Variants in CNTNAP2 observed in about 807,000 individuals in gnomAD.
CNTNAP2 encodes contactin associated protein 2.
In CNTNAP2, 98 loss-of-function variants were observed where a neutral mutation model predicts 155.2. The observed-to-expected ratio is 0.63, with a 90% CI of 0.54 to 0.75. The LOEUF is 0.75. CNTNAP2 is among the 30% of genes least tolerant of loss of function. CNTNAP2 has a pLI of 0.00. For synonymous variants in CNTNAP2, 651 were observed against 631.2 expected (o/e 1.03, Z -0.47); for missense variants, 1,727 against 1,688.1 (o/e 1.02, Z -0.40).
At chr7:146,155,665 A>C in intron 1 of CNTNAP2, among the ~76,000 whole-genome samples, 1 of 149,304 alleles carries the variant, frequency 6.7e-6, no homozygotes. Flanking sequence ...ACAATTATAA[A>C]TAATTGCATA....
intron 13 of CNTNAP2, among the ~76,000 whole-genome samples, chr7:147,734,800 G>A (rs1249336176): frequency 6.6e-6 from 1 of 152,204 alleles, no homozygotes. Flanking sequence ...TAGTTTGTTT[G>A]CATAGAGGTG....
At chr7:146,210,035 C>G (rs1799009281) in intron 1 of CNTNAP2, among the ~76,000 whole-genome samples, 1 of 152,124 alleles carries the variant, frequency 6.6e-6, no homozygotes, top group South Asian at 2.1e-4. Flanking sequence ...CCCACCTCCT[C>G]CCTTCTCCCC....
chr7:147,141,885 C>A (rs1168407766), intron 8 of CNTNAP2, among the ~76,000 whole-genome samples: 3 of 152,092 alleles, frequency 2.0e-5, no homozygotes, highest in African/African-American at 4.8e-5. Context: ...TTCTACAATA[C>A]AAGGAAGATA....
At chr7:148,003,650 AAG>A (rs1801931690) in intron 15 of CNTNAP2, among the ~76,000 whole-genome samples, 1 of 152,218 alleles carries the variant, frequency 6.6e-6, no homozygotes, top group South Asian at 2.1e-4. Context: ...CCTATTAGAT[AAG>A]CATATGTAGA....
chr7:146,955,082 A>G (rs1338887946), intron 3 of CNTNAP2, among the ~76,000 whole-genome samples: 1 of 151,984 alleles, frequency 6.6e-6, no homozygotes, highest in Non-Finnish European at 1.5e-5. Flanking sequence ...GGATAGTGTA[A>G]GTAATTTTTT....
intron 19 of CNTNAP2, among the ~76,000 whole-genome samples, chr7:148,221,796 C>T (rs1178896854): frequency 1.3e-5 from 2 of 152,228 alleles, no homozygotes; most frequent in African/African-American, 4.8e-5. Context: ...CAGTGTCACT[C>T]ACCAGTGCTC....
chr7:147,863,228 G>T (rs979592437), intron 13 of CNTNAP2, among the ~76,000 whole-genome samples: 2 of 152,046 alleles, frequency 1.3e-5, no homozygotes, highest in African/African-American at 4.8e-5. Flanking sequence ...ATGGTTTCCA[G>T]CTTCTCCACG....
chr7:146,884,224 A>G (rs962432280), intron 3 of CNTNAP2, among the ~76,000 whole-genome samples: 3 of 152,122 alleles, frequency 2.0e-5, no homozygotes, highest in Non-Finnish European at 4.4e-5. Flanking sequence ...GGATCCAGAA[A>G]ATACTGTATT....
At chr7:146,527,735 CAT>C (rs1797711440) in intron 1 of CNTNAP2, among the ~76,000 whole-genome samples, 1 of 151,900 alleles carries the variant, frequency 6.6e-6, no homozygotes, top group Non-Finnish European at 1.5e-5. Flanking sequence ...AATATTAAAT[CAT>C]AAAAATACAA....
At chr7:147,562,390 G>C in intron 12 of CNTNAP2, 133 bp downstream of exon 12, 1 of 1,146,444 alleles carries the variant, frequency 8.7e-7, no homozygotes, top group South Asian at 1.3e-5. Flanking sequence ...TGCTGGATTT[G>C]TTAGATAAGA....
chr7:146,913,075 T>G (rs1380710512), intron 3 of CNTNAP2, among the ~76,000 whole-genome samples: 1 of 152,170 alleles, frequency 6.6e-6, no homozygotes, highest in Non-Finnish European at 1.5e-5. Context: ...GTAATGTCTA[T>G]AGATTCTGGG....
intron 18 of CNTNAP2, among the ~76,000 whole-genome samples, chr7:148,205,028 T>C (rs972472098): frequency 2.6e-5 from 4 of 152,232 alleles, no homozygotes; most frequent in Non-Finnish European, 4.4e-5. Context: ...GGTGTGTAAA[T>C]ATGTACCTGG....
chr7:147,281,610 TTAAA>T (rs993290428), intron 8 of CNTNAP2, among the ~76,000 whole-genome samples: 36 of 151,728 alleles, frequency 2.4e-4, no homozygotes, highest in African/African-American at 8.5e-4. Flanking sequence ...TTTTGATAAA[TTAAA>T]TAATCCCTAC....
chr7:147,814,319 T>C (rs1329096238), intron 13 of CNTNAP2, among the ~76,000 whole-genome samples: 1 of 152,226 alleles, frequency 6.6e-6, no homozygotes. Flanking sequence ...TACATGATTT[T>C]CATCATTTAT....
At chr7:148,208,083 C>T (rs1200982797) in intron 18 of CNTNAP2, among the ~76,000 whole-genome samples, 3 of 130,564 alleles carry the variant, frequency 2.3e-5, no homozygotes, top group East Asian at 2.2e-4. Flanking sequence ...AGCGAGACTC[C>T]GTGTCAAAAA....
chr7:148,154,959 T>A (rs1361069616), intron 17 of CNTNAP2, among the ~76,000 whole-genome samples: 4 of 151,306 alleles, frequency 2.6e-5, no homozygotes, highest in African/African-American at 9.7e-5. Flanking sequence ...AATGTACATC[T>A]CAAATTGCAG....
At chr7:146,180,646 G>A (rs1208019364) in intron 1 of CNTNAP2, among the ~76,000 whole-genome samples, 1 of 152,000 alleles carries the variant, frequency 6.6e-6, no homozygotes, top group East Asian at 1.9e-4. Flanking sequence ...CTCTATACTA[G>A]GCACTGTTGT....
At chr7:148,257,554 T>C (rs767439761) in intron 20 of CNTNAP2, among the ~76,000 whole-genome samples, 20 of 152,148 alleles carry the variant, frequency 1.3e-4, no homozygotes, top group Non-Finnish European at 2.2e-4. Flanking sequence ...CCCATGGCTG[T>C]TCTTGGGATT....
At chr7:146,702,047 G>A (rs1800886632) in intron 1 of CNTNAP2, among the ~76,000 whole-genome samples, 1 of 152,152 alleles carries the variant, frequency 6.6e-6, no homozygotes, top group Non-Finnish European at 1.5e-5. Flanking sequence ...TTATTTGAAA[G>A]CAAGCAAATG....
Sources: gnomAD v4.1 joint callset for allele counts (sites outside exome capture counted in the v4.1 genomes callset) on GRCh38, gnomAD v4.1.1 for gene constraint, MANE v1.5 for transcripts, NCBI Gene and HGNC (gene_info 2026-07-23, HGNC 2026-07-21) for gene names.